The following PRKG1 variants were observed in gnomAD, a reference collection of about 807,000 sequenced individuals.
The protein encoded by PRKG1 is cGMP-dependent protein kinase 1.
A neutral mutation model predicts 88.1 loss-of-function variants in PRKG1; 35 were observed. The observed-to-expected ratio is 0.40, with a 90% CI of 0.30 to 0.53. The LOEUF (loss-of-function observed/expected upper bound fraction) is 0.53. Among genes scored for constraint, PRKG1 ranks in the 20% least tolerant of loss-of-function variants. The pLI is 0.59. For missense variants in PRKG1, 540 were observed against 839.8 expected (o/e 0.64, Z 4.41); for synonymous variants, 303 against 292.5 (o/e 1.04, Z -0.37).
chr10:52,024,983 C>T (rs1427514372), intron 5 of PRKG1, among the ~76,000 whole-genome samples: 3 of 152,164 alleles, frequency 2.0e-5, no homozygotes, highest in African/African-American at 7.2e-5. Flanking sequence ...ACATCCTCTC[C>T]AACATCTCTT....
At chr10:51,444,384 G>GA (rs1027513697) in intron 2 of PRKG1, among the ~76,000 whole-genome samples, 1 of 151,764 alleles carries the variant, frequency 6.6e-6, no homozygotes, top group African/African-American at 2.4e-5. Flanking sequence ...AGAACTTGAA[G>GA]AAAAAACTGA....
At chr10:52,082,336 G>C (rs1164993028) in intron 7 of PRKG1, among the ~76,000 whole-genome samples, 1 of 152,056 alleles carries the variant, frequency 6.6e-6, no homozygotes, top group Non-Finnish European at 1.5e-5. Context: ...TCATCTCTGA[G>C]CCTTGGCATA....
At chr10:51,096,017 A>G (rs1198662930) in intron 1 of PRKG1, among the ~76,000 whole-genome samples, 1 of 152,140 alleles carries the variant, frequency 6.6e-6, no homozygotes. Context: ...GCTTGAATTT[A>G]TGTGTTATAT....
chr10:52,056,395 A>T (rs1846110475), intron 6 of PRKG1, among the ~76,000 whole-genome samples: 1 of 152,144 alleles, frequency 6.6e-6, no homozygotes, highest in African/African-American at 2.4e-5. Flanking sequence ...ATCCTTTGAG[A>T]TGGATTTCTG....
intron 2 of PRKG1, among the ~76,000 whole-genome samples, chr10:51,329,599 T>G (rs1841678785): frequency 2.0e-5 from 3 of 152,258 alleles, no homozygotes; most frequent in Non-Finnish European, 4.4e-5. Flanking sequence ...TAGCACTTTT[T>G]GTAATGAAGT....
At chr10:51,104,665 G>A (rs1367852362) in intron 1 of PRKG1, among the ~76,000 whole-genome samples, 1 of 150,844 alleles carries the variant, frequency 6.6e-6, no homozygotes, top group East Asian at 1.9e-4. Context: ...GATTACAGGG[G>A]GCGCTACCAC....
intron 3 of PRKG1, among the ~76,000 whole-genome samples, chr10:51,771,498 C>G (rs1838304218): frequency 1.3e-5 from 2 of 152,166 alleles, no homozygotes; most frequent in African/African-American, 4.8e-5. Flanking sequence ...TGTTTCTCCC[C>G]ACCTTGTTCA....
At chr10:52,173,510 T>C (rs545101755) in intron 9 of PRKG1, among the ~76,000 whole-genome samples, 41 of 152,336 alleles carry the variant, frequency 2.7e-4, no homozygotes, top group Admixed American at 5.9e-4. Context: ...ATAAATTGTT[T>C]TGATACAATG....
At chr10:51,556,461 T>G (rs28463539) in intron 3 of PRKG1, among the ~76,000 whole-genome samples, 21,869 of 151,856 alleles carry the variant, frequency 0.14, 1,713 homozygotes, top group African/African-American at 0.2. Context: ...CTAGTCACGA[T>G]AGCAAAGACA....
At chr10:51,347,114 A>G (rs1842130237) in intron 2 of PRKG1, among the ~76,000 whole-genome samples, 1 of 110,466 alleles carries the variant, frequency 9.1e-6, no homozygotes, top group African/African-American at 3.2e-5. Flanking sequence ...CCTGTTCATG[A>G]AAAAAACTGG....
At chr10:52,254,735 A>AGTGTGTGTGTGT (rs1841267810) in intron 10 of PRKG1, among the ~76,000 whole-genome samples, 1 of 152,050 alleles carries the variant, frequency 6.6e-6, no homozygotes, top group African/African-American at 2.4e-5. Flanking sequence ...TAGATGCAGA[A>AGTGTGTGTGTGT]GTATTTTTCT....
chr10:51,953,272 C>CA (rs1843227384), intron 5 of PRKG1, among the ~76,000 whole-genome samples: 2 of 152,214 alleles, frequency 1.3e-5, no homozygotes, highest in Non-Finnish European at 2.9e-5. Context: ...CTTCGCCCCC[C>CA]AAAATCTCAC....
At chr10:52,108,246 T>C (rs911907015) in intron 7 of PRKG1, among the ~76,000 whole-genome samples, 3 of 152,244 alleles carry the variant, frequency 2.0e-5, no homozygotes, top group Non-Finnish European at 4.4e-5. Context: ...GGATGTAAGA[T>C]GTTGACATGT....
At chr10:51,970,535 G>A (rs1342582778) in intron 5 of PRKG1, among the ~76,000 whole-genome samples, 2 of 150,810 alleles carry the variant, frequency 1.3e-5, no homozygotes, top group African/African-American at 2.4e-5. Flanking sequence ...GAACTCTCAC[G>A]TATGACTCAC....
chr10:52,219,882 A>C (rs963691202), intron 9 of PRKG1, among the ~76,000 whole-genome samples: 2 of 152,212 alleles, frequency 1.3e-5, no homozygotes, highest in Non-Finnish European at 2.9e-5. Context: ...TACATTTCTC[A>C]TTTATTTTTC....
At chr10:52,108,714 A>C (rs1174612131) in intron 7 of PRKG1, among the ~76,000 whole-genome samples, 1 of 152,190 alleles carries the variant, frequency 6.6e-6, no homozygotes, top group African/African-American at 2.4e-5. Context: ...GTCTTTTGAA[A>C]ATGTACATAA....
intron 1 of PRKG1, among the ~76,000 whole-genome samples, chr10:51,037,879 A>G (rs1843371585): frequency 6.6e-6 from 1 of 152,196 alleles, no homozygotes; most frequent in African/African-American, 2.4e-5. Context: ...ACATGGCCTC[A>G]CACTTTTTAA....
intron 5 of PRKG1, among the ~76,000 whole-genome samples, chr10:51,987,995 A>C (rs2447646): frequency 6.6e-6 from 1 of 151,988 alleles, no homozygotes; most frequent in East Asian, 1.9e-4. Flanking sequence ...AAGACTATAT[A>C]TACAATTTAG....
chr10:51,618,115 C>T (rs1589134804), intron 3 of PRKG1, among the ~76,000 whole-genome samples: 2 of 152,118 alleles, frequency 1.3e-5, no homozygotes, highest in Admixed American at 6.5e-5. Context: ...GCTGTTTTAT[C>T]AAAGTAGCAT....
Sources: gnomAD v4.1 joint callset for allele counts (sites outside exome capture counted in the v4.1 genomes callset) on GRCh38, gnomAD v4.1.1 for gene constraint, MANE v1.5 for transcripts, NCBI Gene and HGNC (gene_info 2026-07-23, HGNC 2026-07-21) for gene names.